The following RBFOX1 variants were observed in gnomAD, a reference collection of about 807,000 sequenced individuals.
The protein encoded by RBFOX1 is RNA binding protein fox-1 homolog 1.
RBFOX1 carries 8 observed loss-of-function variants against 57.7 expected under a neutral mutation model. That is an observed-to-expected ratio of 0.14 (90% CI 0.08 to 0.25). The LOEUF is 0.25. Ranked by LOEUF, RBFOX1 falls within the 10% of genes least tolerant of loss-of-function variation. RBFOX1 has a pLI of 1.00. For missense variants in RBFOX1, 611 were observed against 548.5 expected, an observed-to-expected ratio of 1.11 and a Z score of -1.14; for synonymous variants, 326 against 222.4, an observed-to-expected ratio of 1.47 and a Z score of -4.15.
At chr16:5,588,519 C>G (rs1228091528) in intron 2 of RBFOX1, among the ~76,000 whole-genome samples, 1 of 152,070 alleles carries the variant, frequency 6.6e-6, no homozygotes, top group Non-Finnish European at 1.5e-5. Flanking sequence ...TCCAGGCAAT[C>G]CAGGCACTTC....
At chr16:6,063,593 C>T (rs1325726238) in intron 1 of RBFOX1, among the ~76,000 whole-genome samples, 2 of 152,028 alleles carry the variant, frequency 1.3e-5, no homozygotes, top group African/African-American at 4.8e-5. Flanking sequence ...TGGGTCCTCT[C>T]CACACTGCAG....
rs535162096 is a variant in RBFOX1 at position 6,257,126 on chromosome 16, A to T, written c.-126-59869A>T. On this transcript the variant is annotated intron_variant, in intron 1 of 15. Transcript: ENST00000550418. ...TTTTTCTTTTTTTAATTTCATTTTA[A>T]GTTCCAGGATACATGTGCAGGACAT... Among the ~76,000 whole-genome samples the T allele has an allele frequency of 1.4e-4, 22 of 152,216 alleles. 2 individuals carry two copies. Among genetic ancestry groups the T allele is most frequent in the South Asian group, 4.2e-4 (2 of 4,816 alleles).
At chr16:6,555,399 T>A (rs969565988) in intron 2 of RBFOX1, among the ~76,000 whole-genome samples, 6 of 152,170 alleles carry the variant, frequency 3.9e-5, no homozygotes, top group African/African-American at 7.2e-5. Flanking sequence ...GTTCTTCATG[T>A]ATTAAAGGAT....
At chr16:6,002,935 T>C (rs2060626391) in intron 4 of RBFOX1, among the ~76,000 whole-genome samples, 1 of 152,072 alleles carries the variant, frequency 6.6e-6, no homozygotes, top group Non-Finnish European at 1.5e-5. Context: ...ATCAACAAGG[T>C]TGTAGATCCT....
At chr16:6,339,649 T>TTTTTATTTTATTTTATTTTATTTTA (rs150077063) in intron 2 of RBFOX1, among the ~76,000 whole-genome samples, 24 of 145,300 alleles carry the variant, frequency 1.7e-4, no homozygotes, top group African/African-American at 6.0e-4. Context: ...ATTCCTTTAT[T>TTTTTATTTTATTTTATTTTATTTTA]TTTTATTTTA....
intron 3 of RBFOX1, among the ~76,000 whole-genome samples, chr16:7,031,963 T>C (rs970101167): frequency 6.6e-6 from 1 of 152,172 alleles, no homozygotes; most frequent in Admixed American, 6.6e-5. Context: ...GACTTCCTCG[T>C]TATTTGAAGC....
At chr16:7,005,108 C>T (rs1291522524) in intron 3 of RBFOX1, among the ~76,000 whole-genome samples, 5 of 152,160 alleles carry the variant, frequency 3.3e-5, no homozygotes, top group South Asian at 2.1e-4. Flanking sequence ...CGCGTCATTG[C>T]ACTCCAGCCT....
intron 3 of RBFOX1, among the ~76,000 whole-genome samples, chr16:5,637,071 C>T (rs372919264): frequency 6.6e-6 from 1 of 152,182 alleles, no homozygotes; most frequent in Non-Finnish European, 1.5e-5. Context: ...TTCTGCAAAT[C>T]CCCTTATTAT....
intron 2 of RBFOX1, among the ~76,000 whole-genome samples, chr16:5,499,479 CAG>C (rs1217885942): frequency 6.6e-6 from 1 of 152,210 alleles, no homozygotes; most frequent in Admixed American, 6.6e-5. Context: ...GATGGACAAA[CAG>C]AGGCTTAGAG....
chr16:5,414,057 G>C (rs906238050), intron 1 of RBFOX1, among the ~76,000 whole-genome samples: 1 of 152,172 alleles, frequency 6.6e-6, no homozygotes, highest in Admixed American at 6.5e-5. Flanking sequence ...TCCCCAGAAT[G>C]GTGGCCTCTT....
chr16:6,864,888 G>A (rs930586875), intron 3 of RBFOX1, among the ~76,000 whole-genome samples: 14 of 151,922 alleles, frequency 9.2e-5, no homozygotes, highest in Admixed American at 1.3e-4. Context: ...CAAAACAAGA[G>A]GGGCGTTTTT....
chr16:6,707,909 G>C (rs543114673), intron 3 of RBFOX1, among the ~76,000 whole-genome samples: 1 of 152,188 alleles, frequency 6.6e-6, no homozygotes, highest in African/African-American at 2.4e-5. Context: ...GAGGGACTTA[G>C]GGGAAGATTC....
rs531917076 is a variant in RBFOX1 at position 7,509,060 on chromosome 16, C to T, written c.28-9087C>T. Reference sequence around the variant, plus strand: ...GTACTTGCAGCTTTAAATAAAGAGGCTGCCTTTGGCATTGATGTGGGATTT... The same window carrying T: ...GTACTTGCAGCTTTAAATAAAGAGGTTGCCTTTGGCATTGATGTGGGATTT... On this transcript the variant is annotated intron_variant, in intron 4 of 15. Transcript: ENST00000550418. Among the ~76,000 whole-genome samples the T allele has an allele frequency of 7.2e-5, 11 of 152,312 alleles. 1 individual carries two copies. The South Asian group carries it at 1.9e-3, about 26-fold the overall frequency.
intron 14 of RBFOX1, among the ~76,000 whole-genome samples, chr16:7,698,183 GGTGTGTGTGTGTGTGTGTGT>G (rs59239865): frequency 3.7e-5 from 5 of 136,212 alleles, no homozygotes; most frequent in Admixed American, 7.3e-5. Flanking sequence ...AGTCCAAGAG[GGTGTGTGTGTGTGTGTGTGT>G]GTGTGTGTGT....
intron 1 of RBFOX1, among the ~76,000 whole-genome samples, chr16:6,083,244 C>T (rs2096034281): frequency 6.6e-6 from 1 of 152,138 alleles, no homozygotes; most frequent in African/African-American, 2.4e-5. Context: ...CTGAAGTGAT[C>T]TGCCCGCCTC....
At chr16:7,298,839 TGAG>T (rs957604961) in intron 4 of RBFOX1, among the ~76,000 whole-genome samples, 19 of 152,056 alleles carry the variant, frequency 1.2e-4, no homozygotes, top group African/African-American at 1.9e-4. Context: ...TGAGGTAGGC[TGAG>T]GAGGAGGAGG....
chr16:5,745,040 C>T (rs771996799), intron 3 of RBFOX1, among the ~76,000 whole-genome samples: 10 of 152,098 alleles, frequency 6.6e-5, no homozygotes, highest in Non-Finnish European at 1.5e-4. Flanking sequence ...GTGTGCTGTA[C>T]CCATTAACTT....
chr16:5,942,459 C>G (rs1470857375), intron 4 of RBFOX1, among the ~76,000 whole-genome samples: 1 of 152,078 alleles, frequency 6.6e-6, no homozygotes, highest in Non-Finnish European at 1.5e-5. Context: ...TCTCATTCGA[C>G]CAATCTTAGG....
At chr16:6,265,563 G>A (rs1383241912) in intron 1 of RBFOX1, among the ~76,000 whole-genome samples, 1 of 152,154 alleles carries the variant, frequency 6.6e-6, no homozygotes, top group African/African-American at 2.4e-5. Context: ...TGCCCGGCCA[G>A]TTTGACATTT....
Sources: allele counts gnomAD v4.1 joint callset (sites outside exome capture counted in the v4.1 genomes callset), GRCh38; gene constraint gnomAD v4.1.1; transcripts MANE v1.5; gene names NCBI Gene and HGNC (gene_info 2026-07-23, HGNC 2026-07-21).